BLOC1S5: variants seen among roughly 807,000 people sequenced by gnomAD.
The protein encoded by BLOC1S5 is biogenesis of lysosome-related organelles complex 1 subunit 5.
BLOC1S5 carries 27 observed loss-of-function variants against 24.3 expected under a neutral mutation model. The ratio of observed to expected loss-of-function variants is 1.11; its 90% CI spans 0.82 to 1.53. The LOEUF (loss-of-function observed/expected upper bound fraction) is 1.53. BLOC1S5 is among the 40% of genes most tolerant of loss of function. BLOC1S5 has a pLI of 0.00. For synonymous variants in BLOC1S5, 84 were observed against 74.5 expected, an observed-to-expected ratio of 1.13 and a Z score of -0.66; for missense variants, 239 against 229.4, an observed-to-expected ratio of 1.04 and a Z score of -0.27.
At chr6:8,052,202 T>G (rs993607389) in intron 2 of BLOC1S5, among the ~76,000 whole-genome samples, 1 of 151,790 alleles carries the variant, frequency 6.6e-6, no homozygotes, top group Non-Finnish European at 1.5e-5. Flanking sequence ...CTCCTGACCT[T>G]GTGATCCACC....
At chr6:8,016,695 C>T (rs1044628321) in intron 4 of BLOC1S5, among the ~76,000 whole-genome samples, 6 of 151,724 alleles carry the variant, frequency 4.0e-5, no homozygotes, top group African/African-American at 9.7e-5. Flanking sequence ...GGCAGAACCC[C>T]GTCTCTACTA....
rs1473498440 is a variant in BLOC1S5 at position 8,064,301 on chromosome 6, G to A, written c.76C>T (p.Leu26=). 2 of 1,613,682 alleles carry A rather than the reference G, an allele frequency of 1.2e-6. No individual in the cohort carries two copies. Among genetic ancestry groups the A allele is most frequent in the African/African-American group, 1.3e-5 (1 of 74,930 alleles). Reference sequence around the variant, plus strand: ...AGGTGCGCTGAGCCCGCAGTCCCCAGGGAGTCCCTCTTCTTGCTGCCACCG... The same window carrying A: ...AGGTGCGCTGAGCCCGCAGTCCCCAAGGAGTCCCTCTTCTTGCTGCCACCG... ...PGGGSKKRDS[L]GTAGSAHLII... Residue 26 remains leucine (L), a synonymous_variant, in exon 1 of 5, where the codon CTG becomes TTG. Coordinates refer to ENST00000397457, the MANE Select transcript of BLOC1S5 (RefSeq NM_201280.3).
Position 8,022,579 on chromosome 6 carries a change from C to CTTT in BLOC1S5, c.384+3785_384+3787dup, listed in dbSNP as rs756972606. Among the ~76,000 whole-genome samples the CTTT allele has an allele frequency of 3.5e-3, 262 of 74,284 alleles. 24 individuals carry two copies. Among genetic ancestry groups the CTTT allele is most frequent in the East Asian group, 9.7e-3 (22 of 2,276 alleles). The allele number at this position is 74,284 out of a possible 152,430, so 48.7% of individuals were successfully genotyped here. On this transcript the variant is annotated intron_variant, in intron 4 of 4. Coordinates refer to ENST00000397457, the MANE Select transcript of BLOC1S5 (RefSeq NM_201280.3). The stretch of plus-strand genomic sequence containing the variant: ...TATTTTCAAACTCTATTTTTTTTTT[C>CTTT]TTTTTTTTTTTTCTTTTTTTTTTGA...
At chr6:8,042,561 G>T (rs1175622804) in intron 2 of BLOC1S5, among the ~76,000 whole-genome samples, 1 of 152,252 alleles carries the variant, frequency 6.6e-6, no homozygotes, top group Non-Finnish European at 1.5e-5. Flanking sequence ...GCTGCAAGCA[G>T]CCCAAGACGG....
At chr6:8,034,223 C>G (rs1283457200) in intron 3 of BLOC1S5, among the ~76,000 whole-genome samples, 1 of 152,158 alleles carries the variant, frequency 6.6e-6, no homozygotes, top group Non-Finnish European at 1.5e-5. Context: ...AGACTTGGAA[C>G]CAACCCAAAT....
chr6:8,062,045 GT>G (rs2113613091), intron 2 of BLOC1S5, among the ~76,000 whole-genome samples: 1 of 152,310 alleles, frequency 6.6e-6, no homozygotes, highest in South Asian at 2.1e-4. Flanking sequence ...AGGCAAACCT[GT>G]CAGAAAGAAT....
At chr6:8,033,017 AG>A (rs1763357580) in intron 3 of BLOC1S5, among the ~76,000 whole-genome samples, 1 of 152,248 alleles carries the variant, frequency 6.6e-6, no homozygotes, top group Non-Finnish European at 1.5e-5. Context: ...GCTCATGGAT[AG>A]GAAGAATCAA....
Position 8,018,733 on chromosome 6 carries a change from G to A in BLOC1S5, c.385-2905C>T, listed in dbSNP as rs549530792. Among the ~76,000 whole-genome samples, 4 of 152,310 alleles carry A rather than the reference G, an allele frequency of 2.6e-5. No homozygotes were observed. In the East Asian group the frequency reaches 7.7e-4, roughly 29 times the overall value. On this transcript the variant is annotated intron_variant, in intron 4 of 4. Coordinates refer to ENST00000397457, the MANE Select transcript of BLOC1S5 (RefSeq NM_201280.3). ...GTCAAGTTCCTAGCTCAGTGCCTGA[G>A]GAACTTAATAAAAGGTAAATATTAT...
rs764034452 is a variant in BLOC1S5, at chr6:8,062,628, A to G, written c.113-12T>C. 6.4e-7 allele frequency: 1 copy of G among 1,559,660 alleles called. No individual in the cohort carries two copies. The highest frequency in any genetic ancestry group is 2.3e-5 in the East Asian group (1 of 44,392). On this transcript the variant is annotated splice_polypyrimidine_tract_variant and intron_variant, in intron 1 of 4. Transcript: ENST00000397457. The stretch of plus-strand genomic sequence containing the variant: ...AATTTCTCCAAGATCTATAAAGATA[A>G]AATGAAATTCAGGGTTAATCCATGC...
intron 2 of BLOC1S5, among the ~76,000 whole-genome samples, chr6:8,046,710 CAA>C: frequency 6.6e-6 from 1 of 152,262 alleles, no homozygotes; most frequent in South Asian, 2.1e-4. Flanking sequence ...TATTTTGAAG[CAA>C]ATCCTAGAAA....
At chr6:8,050,254 TG>T (rs1764060204) in intron 2 of BLOC1S5, among the ~76,000 whole-genome samples, 1 of 152,194 alleles carries the variant, frequency 6.6e-6, no homozygotes, top group Non-Finnish European at 1.5e-5. Flanking sequence ...TGATCTTTGA[TG>T]TTACTGTTGT....
At chr6:8,060,145 C>T (rs1764464226) in intron 2 of BLOC1S5, among the ~76,000 whole-genome samples, 1 of 152,196 alleles carries the variant, frequency 6.6e-6, no homozygotes, top group Admixed American at 6.5e-5. Context: ...GTACTGGTTA[C>T]TGCTTTGGAT....
chr6:8,015,957 CA>C, intron 4 of BLOC1S5, 129 bp from the exon 5 acceptor site: 5 of 754,810 alleles, frequency 6.6e-6, no homozygotes, highest in African/African-American at 1.8e-5. Flanking sequence ...TTATAATATC[CA>C]AAAAAAGATG....
chr6:8,060,432 A>G (rs150356905), intron 2 of BLOC1S5, among the ~76,000 whole-genome samples: 275 of 152,272 alleles, frequency 1.8e-3, no homozygotes, highest in African/African-American at 6.3e-3. Flanking sequence ...AGAAAAGCCA[A>G]AGTAGGAGGA....
At chr6:8,059,906 C>T (rs1028476762) in intron 2 of BLOC1S5, among the ~76,000 whole-genome samples, 14 of 152,184 alleles carry the variant, frequency 9.2e-5, no homozygotes, top group African/African-American at 2.4e-4. Context: ...TTCAAAGCAC[C>T]GTAAGAACGA....
chr6:8,060,183 G>A (rs200245375), intron 2 of BLOC1S5, among the ~76,000 whole-genome samples: 2 of 152,208 alleles, frequency 1.3e-5, no homozygotes, highest in East Asian at 3.8e-4. Flanking sequence ...TACTTAACCT[G>A]CAATCTAAAC....
intron 2 of BLOC1S5, among the ~76,000 whole-genome samples, chr6:8,041,691 GAC>G (rs67950465): frequency 0.27 from 36,940 of 139,192 alleles, 6,293 homozygotes; most frequent in East Asian, 0.72. Context: ...CTGTCGCCCA[GAC>G]TGGAGTGCGG....
At chr6:8,055,906 C>T (rs1256987440) in intron 2 of BLOC1S5, among the ~76,000 whole-genome samples, 2 of 152,152 alleles carry the variant, frequency 1.3e-5, no homozygotes, top group African/African-American at 2.4e-5. Context: ...AAATATAATG[C>T]CCAATGCCAC....
intron 2 of BLOC1S5, among the ~76,000 whole-genome samples, chr6:8,058,603 C>T (rs1372414033): frequency 6.6e-6 from 1 of 152,114 alleles, no homozygotes; most frequent in African/African-American, 2.4e-5. Context: ...AGTAAGAAGA[C>T]TGCTTGAACC....
Sources: allele counts gnomAD v4.1 joint callset (sites outside exome capture counted in the v4.1 genomes callset), GRCh38; gene constraint gnomAD v4.1.1; transcripts MANE v1.5; gene names NCBI Gene and HGNC (gene_info 2026-07-23, HGNC 2026-07-21).